SRPK2: variants seen among roughly 807,000 people sequenced by gnomAD.
The protein encoded by SRPK2 is SFRS protein kinase 2.
In SRPK2, 21 loss-of-function variants were observed where a neutral mutation model predicts 90.8. The observed-to-expected ratio is 0.23, with a 90% CI of 0.16 to 0.33. The LOEUF is 0.33. Among genes scored for constraint, SRPK2 ranks in the 10% least tolerant of loss-of-function variants. SRPK2 has a pLI of 1.00. For synonymous variants in SRPK2, 288 were observed against 311.1 expected (o/e 0.93, Z 0.78); for missense variants, 620 against 869.0 (o/e 0.71, Z 3.60).
intron 2 of SRPK2, among the ~76,000 whole-genome samples, chr7:105,238,094 G>A (rs746955212): frequency 1.3e-5 from 2 of 152,092 alleles, no homozygotes; most frequent in African/African-American, 2.4e-5. Flanking sequence ...CTAAGTAAAG[G>A]CTGAATCGTG....
At chr7:105,365,659 C>T (rs920850516) in intron 2 of SRPK2, among the ~76,000 whole-genome samples, 4 of 150,776 alleles carry the variant, frequency 2.7e-5, no homozygotes, top group Non-Finnish European at 5.9e-5. Context: ...ATTAGCTGGG[C>T]GTGGTGGCGT....
chr7:105,177,432 C>CAATGG (rs977308389), intron 3 of SRPK2, among the ~76,000 whole-genome samples: 2 of 152,018 alleles, frequency 1.3e-5, no homozygotes, highest in Admixed American at 6.5e-5. Context: ...TATTTGTTGT[C>CAATGG]AATGATGTTC....
At chr7:105,120,104 A>C (rs1800119902) in intron 15 of SRPK2, among the ~76,000 whole-genome samples, 1 of 152,224 alleles carries the variant, frequency 6.6e-6, no homozygotes, top group Admixed American at 6.5e-5. Flanking sequence ...GACTATATTG[A>C]TTTAGACTGT....
intron 15 of SRPK2, among the ~76,000 whole-genome samples, chr7:105,118,428 G>A (rs1799863246): frequency 6.6e-6 from 1 of 152,114 alleles, no homozygotes; most frequent in African/African-American, 2.4e-5. Context: ...CGCATTTGTT[G>A]TAAGATCTAA....
chr7:105,338,906 T>G (rs1250963146), intron 2 of SRPK2, among the ~76,000 whole-genome samples: 4 of 152,158 alleles, frequency 2.6e-5, no homozygotes, highest in African/African-American at 9.7e-5. Flanking sequence ...CTAACCTGTT[T>G]GGGGTGTTTT....
rs371793976 is a variant in SRPK2 at position 105,307,689 on chromosome 7, A to G, written c.71+80959T>C. On this transcript the variant is annotated intron_variant, in intron 2 of 15. Transcript: ENST00000393651. ...CAGAATCCAGGTAAGTTTATGTTAA[A>G]AGTGTATAAGTGGTAAGACTGTGGG... Among the ~76,000 whole-genome samples, 40 of 152,360 alleles carry G rather than the reference A, an allele frequency of 2.6e-4. 1 individual carries two copies. In the East Asian group the frequency reaches 3.5e-3, roughly 13 times the overall value.
chr7:105,162,667 T>C (rs561195802), intron 6 of SRPK2, among the ~76,000 whole-genome samples: 19 of 152,338 alleles, frequency 1.2e-4, no homozygotes, highest in African/African-American at 4.3e-4. Flanking sequence ...CAGAAGTTTC[T>C]TACTATTTCC....
At chr7:105,228,812 G>C (rs750005135) in intron 2 of SRPK2, among the ~76,000 whole-genome samples, 6 of 152,228 alleles carry the variant, frequency 3.9e-5, no homozygotes, top group African/African-American at 7.2e-5. Flanking sequence ...TTGTTCCCGT[G>C]TTGGCGCCTG....
At chr7:105,343,027 C>T (rs1816013609) in intron 2 of SRPK2, among the ~76,000 whole-genome samples, 2 of 152,126 alleles carry the variant, frequency 1.3e-5, no homozygotes, top group South Asian at 4.1e-4. Flanking sequence ...GATGTGTTCA[C>T]AAGTTAAATA....
intron 2 of SRPK2, among the ~76,000 whole-genome samples, chr7:105,242,407 G>A (rs993675841): frequency 6.6e-6 from 1 of 152,126 alleles, no homozygotes; most frequent in Non-Finnish European, 1.5e-5. Flanking sequence ...AGCTACTCGG[G>A]AGGCTGAGGC....
chr7:105,294,718 A>G lies in SRPK2; in HGVS notation c.72-90933T>C, dbSNP rs182850600. On this transcript the variant is annotated intron_variant, in intron 2 of 15. Transcript: ENST00000393651. ...TTTTTCTATTTTTAGTAGAGACAGG[A>G]TTTCATCATGTTGGCCAGACTGGTA... 2.8e-3 allele frequency among the ~76,000 whole-genome samples: 422 copies of G among 151,856 alleles called. 11 individuals carry two copies. In the East Asian group the frequency reaches 0.055, roughly 20 times the overall value.
intron 11 of SRPK2, 47 bp from the exon 12 acceptor site, chr7:105,133,151 T>C (rs768555117): frequency 3.2e-6 from 5 of 1,575,212 alleles, no homozygotes; most frequent in South Asian, 1.1e-5. Context: ...GATAGGTGGT[T>C]TGCATGTGTG....
intron 2 of SRPK2, among the ~76,000 whole-genome samples, chr7:105,205,101 T>C (rs1796029495): frequency 6.6e-6 from 1 of 152,130 alleles, no homozygotes; most frequent in African/African-American, 2.4e-5. Context: ...CCTCAACCAC[T>C]GCCTCTTCTA....
intron 9 of SRPK2, 162 bp from the exon 10 acceptor site, chr7:105,143,492 T>G: frequency 1.1e-6 from 1 of 907,234 alleles, no homozygotes; most frequent in Non-Finnish European, 1.6e-6. Flanking sequence ...AGGCTTACGA[T>G]AAAATCAAAG....
chr7:105,305,111 A>G (rs1810997075), intron 2 of SRPK2, among the ~76,000 whole-genome samples: 1 of 152,214 alleles, frequency 6.6e-6, no homozygotes, highest in Admixed American at 6.5e-5. Context: ...GATTTCTAAA[A>G]TCTTGGAGAC....
chr7:105,118,744 C>T (rs1799914747), intron 15 of SRPK2, among the ~76,000 whole-genome samples: 1 of 151,968 alleles, frequency 6.6e-6, no homozygotes, highest in Non-Finnish European at 1.5e-5. Context: ...ATAGACCAGA[C>T]CCTGTCTCTA....
intron 2 of SRPK2, among the ~76,000 whole-genome samples, chr7:105,289,480 T>C (rs980299565): frequency 5.9e-5 from 9 of 152,160 alleles, no homozygotes; most frequent in Non-Finnish European, 1.3e-4. Flanking sequence ...TATGATACCA[T>C]AGACTATTAA....
intron 13 of SRPK2, among the ~76,000 whole-genome samples, chr7:105,129,881 A>C (rs1362965172): frequency 2.0e-5 from 3 of 152,190 alleles, no homozygotes; most frequent in Non-Finnish European, 4.4e-5. Flanking sequence ...TAATGTGACC[A>C]GTGCCGAAGA....
intron 3 of SRPK2, among the ~76,000 whole-genome samples, chr7:105,186,662 G>C (rs1426703030): frequency 6.6e-6 from 1 of 152,152 alleles, no homozygotes; most frequent in Admixed American, 6.5e-5. Flanking sequence ...CTACTATCAA[G>C]AAATGGACTC....
Sources: gnomAD v4.1 joint callset for allele counts (sites outside exome capture counted in the v4.1 genomes callset) on GRCh38, gnomAD v4.1.1 for gene constraint, MANE v1.5 for transcripts, NCBI Gene and HGNC (gene_info 2026-07-23, HGNC 2026-07-21) for gene names.